C11orf65: variants seen among roughly 807,000 people sequenced by gnomAD.
The protein encoded by C11orf65 is protein MFI.
C11orf65 carries 38 observed loss-of-function variants against 35.3 expected under a neutral mutation model. The observed-to-expected ratio is 1.08, with a 90% CI of 0.83 to 1.41. The LOEUF (loss-of-function observed/expected upper bound fraction) is 1.41. Among genes scored for constraint, C11orf65 ranks in the 40% most tolerant of loss-of-function variants. C11orf65 has a pLI of 0.00. For missense variants in C11orf65, 370 were observed against 367.1 expected (o/e 1.01, Z -0.06); for synonymous variants, 105 against 114.4 (o/e 0.92, Z 0.53).
chr11:108,350,263 G>A (rs569654684), intron 2 of C11orf65, among the ~76,000 whole-genome samples: 18 of 152,278 alleles, frequency 1.2e-4, no homozygotes, highest in African/African-American at 4.1e-4. Flanking sequence ...ATGTGGTGGA[G>A]GGACAAGGGG....
intron 6 of C11orf65, among the ~76,000 whole-genome samples, chr11:108,401,615 T>C (rs1197979553): frequency 2.6e-5 from 4 of 152,222 alleles, no homozygotes; most frequent in Non-Finnish European, 5.9e-5. Context: ...CTTGCTTCTG[T>C]AATATGCTTC....
At chr11:108,333,832 CCTT>C in intron 3 of C11orf65, 1 of 1,369,184 alleles carries the variant, frequency 7.3e-7, no homozygotes, top group South Asian at 1.2e-5. Flanking sequence ...TCCTGCTTGA[CCTT>C]CAATGCTGTT....
intron 2 of C11orf65, among the ~76,000 whole-genome samples, chr11:108,369,699 G>A (rs2091495556): frequency 6.6e-6 from 1 of 152,154 alleles, no homozygotes; most frequent in South Asian, 2.1e-4. Context: ...ACAACAGTAT[G>A]TAGAAATATA....
rs777033839 is a variant in C11orf65, at chr11:108,407,129, A to T, written c.195T>A (p.Ala65=). 1 of 1,609,288 alleles carries T rather than the reference A, an allele frequency of 6.2e-7. No homozygotes were observed. Among genetic ancestry groups the T allele is most frequent in the Non-Finnish European group, 8.5e-7 (1 of 1,176,770 alleles). Residue 65 remains alanine, a synonymous_variant, in exon 4 of 9, where the codon GCT becomes GCA. Coordinates refer to ENST00000393084, the MANE Select transcript of C11orf65 (RefSeq NM_152587.5). Reference sequence around the variant, plus strand: ...ATCTGAATCGCACATGAATGCCAGCAGCAGCATCTAGAAGCTCTGCCTATA... The same window carrying T: ...ATCTGAATCGCACATGAATGCCAGCTGCAGCATCTAGAAGCTCTGCCTATA... ...NPKEAELLDA[A]AGIHVRFRLG...
intron 2 of C11orf65, chr11:108,366,659 T>C (rs1162715307): frequency 4.3e-6 from 1 of 231,332 alleles, no homozygotes. Flanking sequence ...TTCTTGGCTT[T>C]AGGGTTTCCA....
intron 3 of C11orf65, among the ~76,000 whole-genome samples, chr11:108,416,512 G>A (rs946292160): frequency 1.3e-5 from 2 of 151,966 alleles, no homozygotes; most frequent in Admixed American, 6.6e-5. Context: ...GTGAAACCCC[G>A]TCTCTACTAA....
chr11:108,415,615 A>G (rs1244270534), intron 3 of C11orf65, among the ~76,000 whole-genome samples: 1 of 152,184 alleles, frequency 6.6e-6, no homozygotes, highest in Non-Finnish European at 1.5e-5. Flanking sequence ...ACTGATTATA[A>G]ATTTTAAGTG....
intron 6 of C11orf65, among the ~76,000 whole-genome samples, chr11:108,395,176 TGA>T (rs1441374704): frequency 6.6e-6 from 1 of 151,194 alleles, no homozygotes; most frequent in Non-Finnish European, 1.5e-5. Context: ...CTAGCATTCT[TGA>T]GAGGTTTAGA....
intron 6 of C11orf65, among the ~76,000 whole-genome samples, chr11:108,397,579 T>G (rs1460800948): frequency 1.3e-5 from 2 of 152,158 alleles, no homozygotes; most frequent in Non-Finnish European, 2.9e-5. Context: ...GGGACTAGAT[T>G]TAAAAGCCAG....
chr11:108,311,294 G>A (rs574014791), intron 6 of C11orf65, among the ~76,000 whole-genome samples: 5 of 152,210 alleles, frequency 3.3e-5, no homozygotes, highest in Middle Eastern at 3.4e-3. Context: ...TTTTTAAAGC[G>A]GTTATACCCA....
At chr11:108,345,112 G>T (rs1053401385) in intron 2 of C11orf65, among the ~76,000 whole-genome samples, 1 of 152,160 alleles carries the variant, frequency 6.6e-6, no homozygotes, top group African/African-American at 2.4e-5. Flanking sequence ...AAGAATAGAA[G>T]AGGTGACTAA....
intron 6 of C11orf65, among the ~76,000 whole-genome samples, chr11:108,399,879 A>G (rs2092405603): frequency 6.6e-6 from 1 of 152,210 alleles, no homozygotes; most frequent in South Asian, 2.1e-4. Flanking sequence ...AGATTTTCAA[A>G]TGGAATATAG....
chr11:108,327,727 C>G (rs2136377844), downstream of C11orf65: 2 of 1,613,942 alleles, frequency 1.2e-6, no homozygotes, highest in Non-Finnish European at 1.7e-6. Context: ...TTAGAAAATC[C>G]TGCGGTCATC....
intron 2 of C11orf65, among the ~76,000 whole-genome samples, chr11:108,374,985 T>C (rs956461826): frequency 3.3e-5 from 5 of 152,118 alleles, no homozygotes; most frequent in Non-Finnish European, 7.4e-5. Context: ...TATGGGACTA[T>C]GTGAAAAGAC....
intron 3 of C11orf65, among the ~76,000 whole-genome samples, chr11:108,409,273 G>A (rs2092613621): frequency 6.6e-6 from 1 of 151,888 alleles, no homozygotes; most frequent in Admixed American, 6.6e-5. Flanking sequence ...TCTAGTTTTG[G>A]GTTAAAATGA....
chr11:108,369,607 GT>G (rs1274049667), intron 2 of C11orf65, among the ~76,000 whole-genome samples: 1 of 152,110 alleles, frequency 6.6e-6, no homozygotes, highest in African/African-American at 2.4e-5. Context: ...TCAGAATTTG[GT>G]AAGTAAGGAG....
chr11:108,426,967 G>A (rs1222636327), intron 3 of C11orf65, among the ~76,000 whole-genome samples: 1 of 152,058 alleles, frequency 6.6e-6, no homozygotes, highest in African/African-American at 2.4e-5. Flanking sequence ...ATAGTGCTGG[G>A]AAAAATGGCT....
rs369084011 is a variant in C11orf65 at position 108,333,105 on chromosome 11, AAATT to A, written c.300-1542_300-1539del. Among the ~76,000 whole-genome samples the A allele has an allele frequency of 3.1e-3, 478 of 152,348 alleles. 2 individuals are homozygous for A. Among genetic ancestry groups the A allele is most frequent in the African/African-American group, 0.011 (440 of 41,580 alleles). On this transcript the variant is annotated intron_variant, in intron 3 of 3. Transcript: ENST00000524755. ...AGAACTGGTAATAGGTGACTACACT[AAATT>A]AATTATTTGATTTCTTCTGATAATC...
intron 3 of C11orf65, chr11:108,335,154 G>C (rs374239658): frequency 2.5e-6 from 4 of 1,612,538 alleles, no homozygotes; most frequent in African/African-American, 1.3e-5. Flanking sequence ...TTTTAGTGAT[G>C]AAAATTTTTA....
Sources: allele counts gnomAD v4.1 joint callset (sites outside exome capture counted in the v4.1 genomes callset), GRCh38; gene constraint gnomAD v4.1.1; transcripts MANE v1.5; gene names NCBI Gene and HGNC (gene_info 2026-07-23, HGNC 2026-07-21).